The following CADM2 variants were observed in gnomAD, a reference collection of about 807,000 sequenced individuals.
CADM2 encodes the protein cell adhesion molecule 2.
CADM2 carries 12 observed loss-of-function variants against 49.8 expected under a neutral mutation model. That is an observed-to-expected ratio of 0.24 (90% CI 0.15 to 0.39). The LOEUF is 0.39. CADM2 is among the 10% of genes least tolerant of loss of function. The pLI is 1.00. For missense variants in CADM2, 378 were observed against 492.3 expected, an observed-to-expected ratio of 0.77 and a Z score of 2.20; for synonymous variants, 214 against 175.4, an observed-to-expected ratio of 1.22 and a Z score of -1.74.
At chr3:85,977,250 A>C (rs75054789) in intron 8 of CADM2, among the ~76,000 whole-genome samples, 6,178 of 151,514 alleles carry the variant, frequency 0.041, 417 homozygotes, top group African/African-American at 0.14. Flanking sequence ...CTGATTTTGA[A>C]AGACTACTTT....
chr3:85,831,050 CTCAGTGTTTAACT>C, intron 3 of CADM2, among the ~76,000 whole-genome samples: 1 of 151,756 alleles, frequency 6.6e-6, no homozygotes, highest in Non-Finnish European at 1.5e-5. Flanking sequence ...TTCATGCGTA[CTCAGTGTTTAACT>C]CTCACTTATA....
chr3:85,343,066 C>T (rs1035939307), intron 1 of CADM2, among the ~76,000 whole-genome samples: 1 of 152,044 alleles, frequency 6.6e-6, no homozygotes, highest in Non-Finnish European at 1.5e-5. Context: ...AAACTTTTGG[C>T]AATGTCTGGA....
intron 1 of CADM2, among the ~76,000 whole-genome samples, chr3:85,616,586 T>A (rs1408984604): frequency 6.6e-6 from 1 of 152,124 alleles, no homozygotes. Flanking sequence ...GTATAACATA[T>A]AATAAATGAG....
At chr3:85,246,302 G>C (rs2042644065) in intron 1 of CADM2, among the ~76,000 whole-genome samples, 2 of 152,006 alleles carry the variant, frequency 1.3e-5, no homozygotes, top group Admixed American at 6.6e-5. Flanking sequence ...GTTGTGGGGT[G>C]GGGGAAGGGG....
At chr3:85,870,113 C>A (rs375601800) in intron 3 of CADM2, among the ~76,000 whole-genome samples, 1 of 152,134 alleles carries the variant, frequency 6.6e-6, no homozygotes, top group Non-Finnish European at 1.5e-5. Flanking sequence ...CAATTCTGAT[C>A]ACTTCAAAAT....
intron 1 of CADM2, among the ~76,000 whole-genome samples, chr3:85,052,993 A>C (rs1189167657): frequency 6.6e-6 from 1 of 152,022 alleles, no homozygotes; most frequent in Non-Finnish European, 1.5e-5. Context: ...ACTTTGGTTA[A>C]TATGAAGAGA....
At chr3:85,816,751 C>T (rs1317292905) in intron 3 of CADM2, among the ~76,000 whole-genome samples, 1 of 151,998 alleles carries the variant, frequency 6.6e-6, no homozygotes, top group African/African-American at 2.4e-5. Context: ...AGGACAAAAA[C>T]ACACACAGCG....
chr3:85,014,578 C>G (rs1696868594), intron 1 of CADM2, among the ~76,000 whole-genome samples: 1 of 152,012 alleles, frequency 6.6e-6, no homozygotes, highest in Admixed American at 6.6e-5. Flanking sequence ...TAGTGTACCC[C>G]CAAACATAGC....
chr3:85,996,854 G>A (rs1260248154), intron 8 of CADM2, among the ~76,000 whole-genome samples: 1 of 151,976 alleles, frequency 6.6e-6, no homozygotes, highest in Non-Finnish European at 1.5e-5. Flanking sequence ...GTGATTATTT[G>A]ACCAAGTCTT....
intron 1 of CADM2, among the ~76,000 whole-genome samples, chr3:85,610,535 C>T (rs2063656166): frequency 6.6e-6 from 1 of 151,720 alleles, no homozygotes; most frequent in South Asian, 2.1e-4. Context: ...TTACGATGCA[C>T]CAGGCACTCT....
intron 1 of CADM2, among the ~76,000 whole-genome samples, chr3:85,710,220 A>G (rs908388261): frequency 6.6e-6 from 1 of 152,170 alleles, no homozygotes; most frequent in African/African-American, 2.4e-5. Flanking sequence ...TCCAAACACC[A>G]TGATTCTTTT....
intron 1 of CADM2, among the ~76,000 whole-genome samples, chr3:85,303,867 A>G (rs1332452498): frequency 1.3e-5 from 2 of 151,906 alleles, no homozygotes; most frequent in African/African-American, 2.4e-5. Context: ...TGGATGATAT[A>G]ACTAGGTAGC....
At chr3:85,079,360 C>A (rs1477879347) in intron 1 of CADM2, among the ~76,000 whole-genome samples, 1 of 151,716 alleles carries the variant, frequency 6.6e-6, no homozygotes, top group Non-Finnish European at 1.5e-5. Flanking sequence ...TGTATGTGAA[C>A]TTATAAAATG....
chr3:85,940,695 G>A (rs1184494621), intron 7 of CADM2, among the ~76,000 whole-genome samples: 1 of 151,964 alleles, frequency 6.6e-6, no homozygotes, highest in Non-Finnish European at 1.5e-5. Context: ...GGATGCCTAA[G>A]GTGTCATACT....
At chr3:85,855,587 T>C (rs1272868568) in intron 3 of CADM2, among the ~76,000 whole-genome samples, 1 of 90,616 alleles carries the variant, frequency 1.1e-5, no homozygotes, top group Non-Finnish European at 2.1e-5. Context: ...ATAAAAAACA[T>C]ATATATATAT....
At chr3:85,632,780 A>G (rs2064352076) in intron 1 of CADM2, among the ~76,000 whole-genome samples, 1 of 152,030 alleles carries the variant, frequency 6.6e-6, no homozygotes, top group Admixed American at 6.6e-5. Flanking sequence ...CCCAGTAGAA[A>G]CAAAACTTTT....
chr3:86,055,161 A>C (rs1737771655), intron 8 of CADM2, among the ~76,000 whole-genome samples: 1 of 152,210 alleles, frequency 6.6e-6, no homozygotes, highest in Non-Finnish European at 1.5e-5. Context: ...TAACCTTATG[A>C]AGCTCATTGT....
chr3:85,487,866 T>C (rs2039495883), intron 1 of CADM2, among the ~76,000 whole-genome samples: 1 of 152,086 alleles, frequency 6.6e-6, no homozygotes, highest in African/African-American at 2.4e-5. Context: ...ACCTTATTCT[T>C]TTCTAAGATA....
chr3:85,929,156 A>G (rs192885249), intron 6 of CADM2, among the ~76,000 whole-genome samples: 6 of 152,250 alleles, frequency 3.9e-5, no homozygotes, highest in African/African-American at 1.4e-4. Flanking sequence ...CATCATACAC[A>G]TCTCCAATGT....
Sources: gnomAD v4.1 joint callset for allele counts (sites outside exome capture counted in the v4.1 genomes callset) on GRCh38, gnomAD v4.1.1 for gene constraint, MANE v1.5 for transcripts, NCBI Gene and HGNC (gene_info 2026-07-23, HGNC 2026-07-21) for gene names.